MARCHF1: variants seen among roughly 807,000 people sequenced by gnomAD.
MARCHF1 encodes membrane associated ring-CH-type finger 1, also known as E3 ubiquitin-protein ligase MARCHF1.
Under a neutral mutation model 54.2 loss-of-function variants are expected in MARCHF1, and 40 were observed. The ratio of observed to expected loss-of-function variants is 0.74; its 90% CI spans 0.57 to 0.96. MARCHF1 has a LOEUF of 0.96. Among genes scored for constraint, MARCHF1 ranks in the 40% least tolerant of loss-of-function variants. MARCHF1 has a pLI of 0.00. For missense variants in MARCHF1, 586 were observed against 656.5 expected, an observed-to-expected ratio of 0.89 and a Z score of 1.17; for synonymous variants, 236 against 236.3, an observed-to-expected ratio of 1.00 and a Z score of 0.01.
chr4:163,775,844 G>C (rs534879729), intron 4 of MARCHF1, among the ~76,000 whole-genome samples: 1 of 152,228 alleles, frequency 6.6e-6, no homozygotes, highest in South Asian at 2.1e-4. Flanking sequence ...GCCAGTGTTG[G>C]ATGGTCAAGA....
In MARCHF1 at chr4:164,168,600, C is replaced by T. The variant is rs144572697; in HGVS notation, c.-322-56938G>A. ...TCAATGATGGACCTGCAGAACATTA[C>T]GCTAAGTGAAGCAAGCCAGACACAG... On this transcript the variant is annotated intron_variant, in intron 1 of 9. Coordinates refer to ENST00000514618, the MANE Select transcript of MARCHF1 (RefSeq NM_001394959.1). Among the ~76,000 whole-genome samples, 56 of 151,868 alleles carry T rather than the reference C, an allele frequency of 3.7e-4. No homozygotes were observed. The East Asian group carries it at 6.0e-3, about 16-fold the overall frequency.
chr4:163,843,814 C>T (rs773275635), intron 4 of MARCHF1, among the ~76,000 whole-genome samples: 2 of 151,648 alleles, frequency 1.3e-5, no homozygotes, highest in African/African-American at 4.8e-5. Context: ...TTAATAGTGG[C>T]CATTCTGGAG....
At chr4:163,955,226 A>AAAAG (rs1472602829) in intron 3 of MARCHF1, among the ~76,000 whole-genome samples, 57 of 151,188 alleles carry the variant, frequency 3.8e-4, no homozygotes, top group African/African-American at 1.3e-3. Flanking sequence ...AAAAAAAAAA[A>AAAAG]AAAGAAAAGA....
intron 4 of MARCHF1, among the ~76,000 whole-genome samples, chr4:163,829,848 A>G (rs1397872894): frequency 1.3e-5 from 2 of 152,210 alleles, no homozygotes; most frequent in Non-Finnish European, 1.5e-5. Flanking sequence ...GCCTCACTGT[A>G]TACAGGAGAT....
intron 4 of MARCHF1, among the ~76,000 whole-genome samples, chr4:163,767,477 G>A (rs1747016847): frequency 6.6e-6 from 1 of 151,994 alleles, no homozygotes; most frequent in Non-Finnish European, 1.5e-5. Context: ...GGGACTACAG[G>A]CGCCCGCCAC....
intron 3 of MARCHF1, among the ~76,000 whole-genome samples, chr4:163,959,845 A>T (rs1212889485): frequency 1.3e-5 from 2 of 152,218 alleles, no homozygotes; most frequent in Non-Finnish European, 2.9e-5. Context: ...GAGTTTCTGC[A>T]CAGCAAAAGA....
At chr4:163,578,488 C>G (rs1740111286) in intron 8 of MARCHF1, among the ~76,000 whole-genome samples, 1 of 152,138 alleles carries the variant, frequency 6.6e-6, no homozygotes, top group Non-Finnish European at 1.5e-5. Flanking sequence ...CAGCCTGTAT[C>G]AAATCCTGCT....
intron 1 of MARCHF1, among the ~76,000 whole-genome samples, chr4:164,331,321 T>C (rs1165446286): frequency 6.6e-6 from 1 of 152,088 alleles, no homozygotes; most frequent in Non-Finnish European, 1.5e-5. Context: ...AGGTCCTGTA[T>C]AAGAAAGAAA....
chr4:164,369,183 A>G (rs992449731), intron 1 of MARCHF1, among the ~76,000 whole-genome samples: 1 of 152,168 alleles, frequency 6.6e-6, no homozygotes, highest in Non-Finnish European at 1.5e-5. Context: ...GCTCACGGCC[A>G]GACGCTTCCC....
chr4:163,721,948 C>G lies in MARCHF1; in HGVS notation c.112-21085G>C, dbSNP rs181529258. Among the ~76,000 whole-genome samples, 42 of 152,170 alleles carry G rather than the reference C, an allele frequency of 2.8e-4. 1 individual carries two copies. The East Asian group carries it at 7.0e-3, about 25-fold the overall frequency. On this transcript the variant is annotated intron_variant, in intron 4 of 9. Coordinates refer to ENST00000514618, the MANE Select transcript of MARCHF1 (RefSeq NM_001394959.1). ...CCTCTTTATTAGTCTTGCTAGTGGT[C>G]TATCAATTTTGTTGATCGTTTCAAA...
In MARCHF1 at chr4:163,574,056, A is replaced by G. The variant is rs1298564393; in HGVS notation, c.1191+11693T>C. On this transcript the variant is annotated intron_variant, in intron 8 of 9. Transcript: ENST00000514618. ...TGTGGTTTTGATTTGCATTTCTCTG[A>G]TGGCCAATGATGGTGAGCATTTTTT... Among the ~76,000 whole-genome samples, 69 of 152,234 alleles carry G rather than the reference A, an allele frequency of 4.5e-4. No individual in the cohort carries two copies. In the East Asian group the frequency reaches 0.011, roughly 23 times the overall value.
At chr4:164,326,249 G>A (rs7679561) in intron 1 of MARCHF1, among the ~76,000 whole-genome samples, 2,634 of 152,272 alleles carry the variant, frequency 0.017, 71 homozygotes, top group African/African-American at 0.06. Flanking sequence ...TGTAAAAGCA[G>A]CATGGGTGTG....
intron 3 of MARCHF1, among the ~76,000 whole-genome samples, chr4:163,854,814 T>A (rs141626352): frequency 6.6e-6 from 1 of 152,224 alleles, no homozygotes; most frequent in Non-Finnish European, 1.5e-5. Flanking sequence ...TCTAGACTTC[T>A]AGAACTTCTT....
At chr4:164,113,506 A>G (rs1290167724) in intron 1 of MARCHF1, among the ~76,000 whole-genome samples, 3 of 152,034 alleles carry the variant, frequency 2.0e-5, no homozygotes, top group African/African-American at 7.2e-5. Flanking sequence ...AGAAAGATGC[A>G]TATTTATGTA....
intron 3 of MARCHF1, among the ~76,000 whole-genome samples, chr4:163,870,255 T>C (rs1169077270): frequency 6.6e-6 from 1 of 152,128 alleles, no homozygotes; most frequent in Non-Finnish European, 1.5e-5. Flanking sequence ...TTAAAGTGTC[T>C]AATTGCTCTA....
At chr4:164,355,318 G>T (rs1386067756) in intron 1 of MARCHF1, among the ~76,000 whole-genome samples, 3 of 80,450 alleles carry the variant, frequency 3.7e-5, no homozygotes, top group Non-Finnish European at 7.5e-5. Flanking sequence ...TCAATCCTAA[G>T]CCAAAAGAAC....
intron 4 of MARCHF1, among the ~76,000 whole-genome samples, chr4:163,835,677 A>G (rs564888146): frequency 2.0e-5 from 3 of 152,186 alleles, no homozygotes; most frequent in Non-Finnish European, 2.9e-5. Flanking sequence ...GAGGCTGCCC[A>G]ATTCGCGAAT....
chr4:163,877,638 C>CA (rs1467917145), intron 3 of MARCHF1, among the ~76,000 whole-genome samples: 3 of 152,024 alleles, frequency 2.0e-5, no homozygotes. Context: ...TTACCATGTC[C>CA]AAAAATAAAC....
intron 1 of MARCHF1, among the ~76,000 whole-genome samples, chr4:164,170,016 C>A (rs1171973458): frequency 1.3e-5 from 2 of 152,080 alleles, no homozygotes; most frequent in African/African-American, 4.8e-5. Flanking sequence ...GTACTTCCAG[C>A]CTGCTTAATT....
Sources: gnomAD v4.1 joint callset for allele counts (sites outside exome capture counted in the v4.1 genomes callset) on GRCh38, gnomAD v4.1.1 for gene constraint, MANE v1.5 for transcripts, NCBI Gene and HGNC (gene_info 2026-07-23, HGNC 2026-07-21) for gene names.